The following ACOT12 variants were observed in gnomAD, a reference collection of about 807,000 sequenced individuals.
ACOT12 encodes acetyl-coenzyme A thioesterase.
ACOT12 carries 51 observed loss-of-function variants against 67.7 expected under a neutral mutation model. The observed-to-expected ratio is 0.75, with a 90% CI of 0.60 to 0.95. The LOEUF is 0.95. Among genes scored for constraint, ACOT12 ranks in the 40% least tolerant of loss-of-function variants. The pLI is 0.00. For synonymous variants in ACOT12, 251 were observed against 244.6 expected (o/e 1.03, Z -0.24); for missense variants, 734 against 708.1 (o/e 1.04, Z -0.41).
the ACOT12 span, chr5:81,312,730 T>G: frequency 8.5e-7 from 1 of 1,181,386 alleles, no homozygotes; most frequent in Non-Finnish European, 1.2e-6. Flanking sequence ...CTTCACGAGT[T>G]AGAGTTGAGC....
the ACOT12 span, chr5:81,312,763 T>C: frequency 1.2e-6 from 1 of 819,628 alleles, no homozygotes; most frequent in Non-Finnish European, 2.0e-6. Flanking sequence ...AGGACTATGC[T>C]GTAGATATCA....
chr5:81,364,190 T>C (rs1347536750), intron 3 of ACOT12, among the ~76,000 whole-genome samples: 1 of 151,336 alleles, frequency 6.6e-6, no homozygotes, highest in Admixed American at 6.6e-5. Flanking sequence ...TTAGGTGAAT[T>C]TTCTTCTAGC....
the ACOT12 span, among the ~76,000 whole-genome samples, chr5:81,323,909 C>CGTATATATACGTGTATATATACAT: frequency 1.4e-5 from 2 of 146,456 alleles, no homozygotes; most frequent in South Asian, 2.1e-4. Context: ...TATATATACA[C>CGTATATATACGTGTATATATACAT]GTATATATAC....
intron 2 of ACOT12, among the ~76,000 whole-genome samples, chr5:81,383,451 A>T (rs1212871941): frequency 6.6e-6 from 1 of 152,254 alleles, no homozygotes; most frequent in Non-Finnish European, 1.5e-5. Context: ...AGGACAGGAG[A>T]ACACATTAAT....
rs1350401781 is a variant in ACOT12 at position 81,390,161 on chromosome 5, T to A, written c.127+3827A>T. Among the ~76,000 whole-genome samples, 2 of 150,506 alleles carry A rather than the reference T, an allele frequency of 1.3e-5. 1 individual carries two copies. The highest frequency in any genetic ancestry group is 3.0e-5 in the Non-Finnish European group (2 of 67,690). ...TTTTTTGGTAGAGACAGGATCTCTC[T>A]ATGTTGCCCAGGCTGGTCTCAAGTT... On this transcript the variant is annotated intron_variant, in intron 1 of 14. Coordinates refer to ENST00000307624, the MANE Select transcript of ACOT12 (RefSeq NM_130767.3).
Position 81,347,786 on chromosome 5 carries a change from G to A in ACOT12, c.641C>T (p.Thr214Ile), listed in dbSNP as rs902129288. 1.2e-6 allele frequency: 2 copies of A among 1,613,746 alleles called. No homozygotes were observed. Among genetic ancestry groups the A allele is most frequent in the South Asian group, 1.1e-5 (1 of 90,952 alleles). ...CAAAACCAAGAACCTTGCAGAAATA[G>A]TAGCCACTGTCTCCATCCACGCCAT... is the stretch of plus-strand genomic sequence containing the variant. ...QIMAWMETVA[T>I]ISASRLCWAH... Residue 214 changes from threonine (T) to isoleucine (I), a missense_variant, in exon 6 of 15, where the codon ACT (threonine) becomes ATT (isoleucine). By Grantham distance (89) the Thr-to-Ile change is moderately conservative (BLOSUM62 -1). Coordinates refer to ENST00000307624, the MANE Select transcript of ACOT12 (RefSeq NM_130767.3).
rs777333534 is a variant in ACOT12, at chr5:81,358,007, CAAA to C, written c.496+1893_496+1895del. ...GGTGACAGAGTGAGACCCCATCTCA[CAAA>C]AAAAAAAAAAAAAAAAAAAAGAAGA... On this transcript the variant is annotated intron_variant, in intron 5 of 14. Transcript: ENST00000307624. Among the ~76,000 whole-genome samples, 417 of 71,032 alleles carry C rather than the reference CAAA, an allele frequency of 5.9e-3. 2 individuals carry two copies. The highest frequency in any genetic ancestry group is 0.017 in the African/African-American group (388 of 22,466). 46.6% of individuals were successfully genotyped at this position (71,032 alleles called of 152,430 possible). A position where few individuals can be genotyped will look rare whatever the true frequency, so the allele number is the denominator to read the frequency against.
At chr5:81,326,091 G>A (rs890150415), downstream of ACOT12, among the ~76,000 whole-genome samples, 3 of 150,732 alleles carry the variant, frequency 2.0e-5, no homozygotes, top group Non-Finnish European at 4.4e-5. Context: ...ATAGGCATGA[G>A]CGACTGCACA....
At chr5:81,393,651 A>T (rs1244334260) in intron 1 of ACOT12, among the ~76,000 whole-genome samples, 1 of 152,096 alleles carries the variant, frequency 6.6e-6, no homozygotes, top group Non-Finnish European at 1.5e-5. Context: ...CAGGAGGTCG[A>T]GGCTGCAGCG....
At chr5:81,342,059 T>C (rs1372828519) in intron 11 of ACOT12, among the ~76,000 whole-genome samples, 1 of 152,190 alleles carries the variant, frequency 6.6e-6, no homozygotes, top group Non-Finnish European at 1.5e-5. Flanking sequence ...GATGCAATCA[T>C]AGCTCACTGG....
chr5:81,393,906 T>TA (rs1178709677), intron 1 of ACOT12, 82 bp downstream of exon 1: 2 of 1,248,306 alleles, frequency 1.6e-6, no homozygotes, highest in African/African-American at 3.5e-5. Context: ...CTTCCTCGCC[T>TA]TCCTACCCCC....
intron 13 of ACOT12, among the ~76,000 whole-genome samples, chr5:81,331,304 G>A (rs1758817539): frequency 6.6e-6 from 1 of 152,210 alleles, no homozygotes; most frequent in African/African-American, 2.4e-5. Context: ...TTGGGAGGCT[G>A]AGGCAGGCAG....
chr5:81,317,781 A>G, the ACOT12 span, among the ~76,000 whole-genome samples: 1 of 152,202 alleles, frequency 6.6e-6, no homozygotes. Flanking sequence ...AACACTGGGA[A>G]TCACAATTTG....
intron 5 of ACOT12, among the ~76,000 whole-genome samples, chr5:81,352,373 T>C (rs992418185): frequency 3.9e-5 from 6 of 152,112 alleles, no homozygotes; most frequent in Admixed American, 3.3e-4. Context: ...TATCAACAGA[T>C]GAATGAATAA....
chr5:81,331,839 G>T (rs1758839304), intron 13 of ACOT12, among the ~76,000 whole-genome samples: 1 of 152,144 alleles, frequency 6.6e-6, no homozygotes, highest in Admixed American at 6.5e-5. Context: ...TTCTCTATCA[G>T]TCCCACTATA....
At chr5:81,337,988 T>C (rs941960657) in intron 11 of ACOT12, among the ~76,000 whole-genome samples, 1 of 152,236 alleles carries the variant, frequency 6.6e-6, no homozygotes, top group Admixed American at 6.5e-5. Context: ...CAGTACTGGA[T>C]GAGCAAATTC....
At chr5:81,334,547 G>C (rs997699179) in intron 12 of ACOT12, among the ~76,000 whole-genome samples, 5 of 152,370 alleles carry the variant, frequency 3.3e-5, no homozygotes, top group African/African-American at 1.2e-4. Flanking sequence ...TCTAGCATCT[G>C]TGCCAATGTA....
Position 81,342,703 on chromosome 5 carries a change from C to T in ACOT12, c.1097G>A (p.Arg366Lys). 6.2e-7 allele frequency: 1 copy of T among 1,614,172 alleles called. No individual in the cohort carries two copies. The highest frequency in any genetic ancestry group is 1.1e-5 in the South Asian group (1 of 91,088). Residue 366 changes from arginine (R) to lysine (K), a missense_variant, in exon 11 of 15, where the codon AGG becomes AAG. Physicochemically the swap from Arg to Lys is conservative, Grantham distance 26. Coordinates refer to ENST00000307624, the MANE Select transcript of ACOT12 (RefSeq NM_130767.3). ...CACAGTGCTGGTAACCTCCCAACCC[C>T]TTTTGGCTGCCAGTTTTTTGAGGGC... ...VEALKKLAAK[R>K]GWEVTSTVEK...
the ACOT12 span, among the ~76,000 whole-genome samples, chr5:81,316,811 G>A: frequency 3.9e-5 from 6 of 152,138 alleles, no homozygotes; most frequent in East Asian, 1.9e-4. Context: ...GACTAATGAT[G>A]TAGAATGCCT....
Sources: allele counts gnomAD v4.1 joint callset (sites outside exome capture counted in the v4.1 genomes callset), GRCh38; gene constraint gnomAD v4.1.1; transcripts MANE v1.5; gene names NCBI Gene and HGNC (gene_info 2026-07-23, HGNC 2026-07-21).